Variants in TRDN observed in about 807,000 individuals in gnomAD.
The protein encoded by TRDN is triadin, also known as triadin in skeletal muscle.
In TRDN, 161 loss-of-function variants were observed where a neutral mutation model predicts 149.7. That is an observed-to-expected ratio of 1.08 (90% CI 0.95 to 1.23). The LOEUF (loss-of-function observed/expected upper bound fraction) is 1.23. TRDN is among the 50% of genes most tolerant of loss of function. The pLI, the probability that TRDN is intolerant of heterozygous loss-of-function variation, is 0.00. For synonymous variants in TRDN, 294 were observed against 250.5 expected, an observed-to-expected ratio of 1.17 and a Z score of -1.64; for missense variants, 896 against 823.5, an observed-to-expected ratio of 1.09 and a Z score of -1.08.
At chr6:123,499,366 A>G (rs1178356906) in intron 8 of TRDN, among the ~76,000 whole-genome samples, 1 of 152,024 alleles carries the variant, frequency 6.6e-6, no homozygotes, top group Admixed American at 6.6e-5. Context: ...TTCAGCTTGT[A>G]TGTTGAAATA....
chr6:123,414,602 A>G (rs1296854456), intron 12 of TRDN, among the ~76,000 whole-genome samples: 1 of 152,114 alleles, frequency 6.6e-6, no homozygotes. Flanking sequence ...AATAATAAAG[A>G]GTTCCCAATC....
At chr6:123,525,045 G>A (rs1404133389) in intron 5 of TRDN, among the ~76,000 whole-genome samples, 1 of 151,998 alleles carries the variant, frequency 6.6e-6, no homozygotes. Context: ...CTATTAAAAA[G>A]TCAAAAACAA....
intron 2 of TRDN, among the ~76,000 whole-genome samples, chr6:123,567,365 C>T (rs1782344453): frequency 6.6e-6 from 1 of 152,158 alleles, no homozygotes; most frequent in Admixed American, 6.5e-5. Context: ...AGTCCAGCTA[C>T]CAATGGTATG....
intron 24 of TRDN, among the ~76,000 whole-genome samples, chr6:123,300,275 A>G (rs1232577699): frequency 6.6e-6 from 1 of 152,026 alleles, no homozygotes; most frequent in Non-Finnish European, 1.5e-5. Flanking sequence ...TAAAGTACAT[A>G]AGCAAGAAAA....
rs1774998870 is a variant in TRDN at position 123,217,365 on chromosome 6, T to C, written c.*1236A>G. 1 of 151,978 alleles carries C rather than the reference T, an allele frequency of 6.6e-6. No individual in the cohort carries two copies. The highest frequency in any genetic ancestry group is 1.5e-5 in the Non-Finnish European group (1 of 67,942). 9.4% of individuals were successfully genotyped at this position (151,978 alleles called of 1,614,324 possible). ...GCCTTGCTGATGGTAATTACAATGC[T>C]AGAAAGGATAACTCAATTTATTTCC... On this transcript the variant is annotated 3_prime_UTR_variant, in exon 41 of 41. Transcript: ENST00000334268.
chr6:123,255,688 G>C (rs376972501), intron 36 of TRDN, among the ~76,000 whole-genome samples, 179 bp downstream of exon 36: 3 of 152,014 alleles, frequency 2.0e-5, no homozygotes, highest in East Asian at 3.9e-4. Context: ...TGACACTGCC[G>C]TTACTACACA....
intron 12 of TRDN, among the ~76,000 whole-genome samples, chr6:123,432,324 G>GTA (rs981987084): frequency 2.0e-5 from 3 of 151,752 alleles, no homozygotes; most frequent in African/African-American, 4.8e-5. Flanking sequence ...ATCATATATT[G>GTA]TATATCTTAC....
At chr6:123,318,886 T>G (rs1448505845) in intron 23 of TRDN, among the ~76,000 whole-genome samples, 4 of 152,104 alleles carry the variant, frequency 2.6e-5, no homozygotes, top group African/African-American at 7.2e-5. Flanking sequence ...AAAGGTATTA[T>G]CTAACGTGTG....
At chr6:123,420,093 G>A (rs1773834446) in intron 12 of TRDN, among the ~76,000 whole-genome samples, 1 of 152,176 alleles carries the variant, frequency 6.6e-6, no homozygotes, top group South Asian at 2.1e-4. Flanking sequence ...TGCAAGCAAA[G>A]TGCTCGTAAT....
intron 9 of TRDN, among the ~76,000 whole-genome samples, chr6:123,487,706 T>A (rs1423590466): frequency 1.3e-5 from 2 of 152,260 alleles, no homozygotes; most frequent in African/African-American, 4.8e-5. Flanking sequence ...TAGTTTATCC[T>A]CTTTTCAGTC....
chr6:123,372,374 T>C lies in TRDN; in HGVS notation c.1273+3231A>G, dbSNP rs574201224. 3.3e-5 allele frequency among the ~76,000 whole-genome samples: 5 copies of C among 152,232 alleles called. No individual in the cohort carries two copies. In the East Asian group the frequency reaches 7.7e-4, roughly 24 times the overall value. On this transcript the variant is annotated intron_variant, in intron 19 of 40. Transcript: ENST00000334268. ...TGAAGTGTGGTTAAGGAGATGAATA[T>C]AGTCAGGCTCGGTGGCTGAACATAA... is the stretch of plus-strand genomic sequence containing the variant.
intron 24 of TRDN, among the ~76,000 whole-genome samples, chr6:123,313,307 G>A (rs1347506404): frequency 1.3e-5 from 2 of 151,904 alleles, no homozygotes; most frequent in African/African-American, 4.8e-5. Flanking sequence ...CTCAGACTCT[G>A]CTCAGTTCTG....
chr6:123,423,262 CT>C (rs1302210948), intron 12 of TRDN, among the ~76,000 whole-genome samples: 2 of 152,094 alleles, frequency 1.3e-5, no homozygotes, highest in African/African-American at 2.4e-5. Context: ...AAAGTTACCC[CT>C]GCTTTTAGTT....
At chr6:123,585,088 G>A (rs960248605) in intron 1 of TRDN, among the ~76,000 whole-genome samples, 8 of 151,466 alleles carry the variant, frequency 5.3e-5, no homozygotes, top group East Asian at 1.9e-4. Context: ...ATGGTAAGGG[G>A]TGCATGATCG....
chr6:123,528,324 A>C (rs1336289289), intron 5 of TRDN, among the ~76,000 whole-genome samples: 1 of 150,810 alleles, frequency 6.6e-6, no homozygotes, highest in African/African-American at 2.4e-5. Flanking sequence ...TAGACTCCCA[A>C]GGCTCTCCCG....
At chr6:123,598,419 G>A (rs536811980) in intron 1 of TRDN, among the ~76,000 whole-genome samples, 9 of 151,886 alleles carry the variant, frequency 5.9e-5, no homozygotes, top group African/African-American at 2.2e-4. Context: ...AAAACATGAA[G>A]TATCAAAGAT....
chr6:123,486,093 G>A (rs1181906735), intron 9 of TRDN, among the ~76,000 whole-genome samples: 1 of 151,936 alleles, frequency 6.6e-6, no homozygotes, highest in Non-Finnish European at 1.5e-5. Flanking sequence ...TAAATTTAAA[G>A]GGCATACAAG....
At chr6:123,509,133 T>C (rs1308012078) in intron 7 of TRDN, among the ~76,000 whole-genome samples, 1 of 151,952 alleles carries the variant, frequency 6.6e-6, no homozygotes, top group Non-Finnish European at 1.5e-5. Context: ...CATATATACT[T>C]ATGCATACAT....
intron 3 of TRDN, among the ~76,000 whole-genome samples, chr6:123,548,066 AT>A (rs1781207160): frequency 6.6e-6 from 1 of 152,038 alleles, no homozygotes; most frequent in Non-Finnish European, 1.5e-5. Context: ...ACTTATATGT[AT>A]TTTTAGTTTT....
Sources: gnomAD v4.1 joint callset for allele counts (sites outside exome capture counted in the v4.1 genomes callset) on GRCh38, gnomAD v4.1.1 for gene constraint, MANE v1.5 for transcripts, NCBI Gene and HGNC (gene_info 2026-07-23, HGNC 2026-07-21) for gene names.